N4BP2: variants seen among roughly 807,000 people sequenced by gnomAD.
N4BP2 encodes NEDD4-binding protein 2.
N4BP2 carries 91 observed loss-of-function variants against 152.8 expected under a neutral mutation model. The observed-to-expected ratio is 0.60, with a 90% CI of 0.50 to 0.71. N4BP2 has a LOEUF of 0.71. Among genes scored for constraint, N4BP2 ranks in the 30% least tolerant of loss-of-function variants. N4BP2 has a pLI of 0.00. For missense variants in N4BP2, 1,923 were observed against 2,059.1 expected, an observed-to-expected ratio of 0.93 and a Z score of 1.28; for synonymous variants, 646 against 705.3, an observed-to-expected ratio of 0.92 and a Z score of 1.33.
At chr4:40,101,941 A>G (rs1329726821) in intron 3 of N4BP2, 134 bp from the exon 4 acceptor site, 2 of 495,722 alleles carry the variant, frequency 4.0e-6, no homozygotes, top group Non-Finnish European at 6.5e-6. Context: ...TTTTAAAAAT[A>G]ACATGAATAT....
chr4:40,127,573 T>A (rs1718525128), intron 12 of N4BP2, among the ~76,000 whole-genome samples: 1 of 152,050 alleles, frequency 6.6e-6, no homozygotes, highest in Non-Finnish European at 1.5e-5. Context: ...TATAAAAACA[T>A]GAAGGAAATC....
At chr4:40,186,929 T>C in the N4BP2 span, among the ~76,000 whole-genome samples, 1 of 152,226 alleles carries the variant, frequency 6.6e-6, no homozygotes, top group Non-Finnish European at 1.5e-5. Context: ...TTTTTATCTA[T>C]GGGCCCAATT....
At chr4:40,057,090 G>C (rs1203705370) in intron 1 of N4BP2, 60 bp downstream of exon 1, 1 of 152,796 alleles carries the variant, frequency 6.5e-6, no homozygotes, top group East Asian at 1.9e-4. Context: ...TGGAGGTTAG[G>C]GGTCCCGGGG....
chr4:40,057,562 G>C (rs1263391259), intron 1 of N4BP2, among the ~76,000 whole-genome samples: 1 of 152,134 alleles, frequency 6.6e-6, no homozygotes, highest in Non-Finnish European at 1.5e-5. Context: ...AGACTGCGGG[G>C]AGACTTTCCC....
At chr4:40,082,069 G>A (rs1430559104) in intron 2 of N4BP2, among the ~76,000 whole-genome samples, 9 of 152,070 alleles carry the variant, frequency 5.9e-5, no homozygotes, top group Non-Finnish European at 8.8e-5. Context: ...CCAAGGTTGC[G>A]CCATTGCACT....
chr4:40,113,399 A>G (rs369585589), intron 6 of N4BP2, 33 bp from the exon 7 acceptor site: 2 of 1,420,248 alleles, frequency 1.4e-6, no homozygotes, highest in East Asian at 2.3e-5. Context: ...GGAAATACCT[A>G]TTTTAAAATG....
Position 40,120,510 on chromosome 4 carries a change from G to A in N4BP2, c.2399G>A (p.Arg800Lys), listed in dbSNP as rs1239460165. The A allele has an allele frequency of 1.9e-6, 3 of 1,613,414 alleles. No individual in the cohort carries two copies. In the South Asian group the frequency reaches 3.3e-5, roughly 18 times the overall value. The change falls in exon 9 of 18, where the codon AGG becomes AAG. Residue 800 changes from arginine to lysine, a missense_variant. Transcript: ENST00000261435. ...CCAGTTGATAAGACTATTGGTCAGAGGACAAAAAGGAACAGAAAAACTGAA... is the reference window on the plus strand; with the variant it reads ...CCAGTTGATAAGACTATTGGTCAGAAGACAAAAAGGAACAGAAAAACTGAA... ...DWPVDKTIGQRTKRNRKTEKT... is the reference protein window; with the variant it reads ...DWPVDKTIGQKTKRNRKTEKT...
intron 15 of N4BP2, 83 bp downstream of exon 15, chr4:40,142,944 A>G (rs1720179445): frequency 1.8e-6 from 2 of 1,127,104 alleles, no homozygotes; most frequent in Non-Finnish European, 2.6e-6. Context: ...CCATATTGTG[A>G]CTAGATTAAG....
chr4:40,069,519 A>G (rs1019413383), intron 1 of N4BP2, among the ~76,000 whole-genome samples: 1 of 152,146 alleles, frequency 6.6e-6, no homozygotes, highest in African/African-American at 2.4e-5. Flanking sequence ...CAGATAACCT[A>G]TACATAACCT....
At chr4:40,099,842 C>T (rs1222329299) in intron 3 of N4BP2, among the ~76,000 whole-genome samples, 1 of 151,728 alleles carries the variant, frequency 6.6e-6, no homozygotes, top group Non-Finnish European at 1.5e-5. Flanking sequence ...TCTGGTTTTA[C>T]TGTCATGTAG....
At chr4:40,172,738 C>T in the N4BP2 span, among the ~76,000 whole-genome samples, 2 of 152,210 alleles carry the variant, frequency 1.3e-5, no homozygotes, top group African/African-American at 2.4e-5. Context: ...CCCTAGCAAA[C>T]TAATACAGTG....
intron 1 of N4BP2, among the ~76,000 whole-genome samples, chr4:40,068,612 TCATTTGA>T (rs1194493642): frequency 6.6e-6 from 1 of 152,164 alleles, no homozygotes; most frequent in Non-Finnish European, 1.5e-5. Context: ...TTGTTGAAGA[TCATTTGA>T]TCACATATGT....
intron 2 of N4BP2, among the ~76,000 whole-genome samples, chr4:40,076,462 G>T (rs1340927848): frequency 6.6e-6 from 1 of 152,096 alleles, no homozygotes; most frequent in Non-Finnish European, 1.5e-5. Flanking sequence ...GGTGACAGAG[G>T]GAGACTTTGT....
intron 16 of N4BP2, among the ~76,000 whole-genome samples, chr4:40,145,354 G>A (rs1720419610): frequency 6.6e-6 from 1 of 152,128 alleles, no homozygotes; most frequent in South Asian, 2.1e-4. Context: ...CTCCCGAGTA[G>A]CTGGGATTAC....
At chr4:40,171,914 G>T in the N4BP2 span, among the ~76,000 whole-genome samples, 1 of 152,110 alleles carries the variant, frequency 6.6e-6, no homozygotes, top group Non-Finnish European at 1.5e-5. Context: ...AGCCAGTCTA[G>T]TCTTTTTCTG....
chr4:40,156,345 G>T lies in N4BP2; in HGVS notation c.*2108G>T, dbSNP rs566305702. The T allele has an allele frequency of 1.3e-5, 2 of 152,108 alleles. No homozygotes were observed. The highest frequency in any genetic ancestry group is 2.9e-5 in the Non-Finnish European group (2 of 67,936). The allele number at this position is 152,108 out of a possible 1,614,324, so 9.4% of individuals were successfully genotyped here. Reference sequence around the variant, plus strand: ...GGTATTCCGTGGGCAGAAGTCAAATGAAAAAAGCTATATTGTTTACTTGTT... The same window carrying T: ...GGTATTCCGTGGGCAGAAGTCAAATTAAAAAAGCTATATTGTTTACTTGTT... On this transcript the variant is annotated 3_prime_UTR_variant, in exon 18 of 18. Transcript: ENST00000261435.
intron 4 of N4BP2, among the ~76,000 whole-genome samples, chr4:40,105,803 A>T (rs192716427): frequency 2.6e-5 from 4 of 152,140 alleles, no homozygotes; most frequent in Admixed American, 1.3e-4. Flanking sequence ...TTCCCACCTC[A>T]GCCTCCCAAA....
At chr4:40,096,998 T>G (rs1032368306) in intron 2 of N4BP2, among the ~76,000 whole-genome samples, 4 of 152,194 alleles carry the variant, frequency 2.6e-5, no homozygotes, top group African/African-American at 9.7e-5. Flanking sequence ...TGAAAAAATG[T>G]ATTGAAATAG....
At position 40,065,977 on chromosome 4, in the gene N4BP2, C is replaced by T. The variant is rs149916929; in HGVS notation, c.-211-7478C>T. Among the ~76,000 whole-genome samples the T allele has an allele frequency of 3.3e-3, 508 of 151,958 alleles. 8 individuals carry two copies. Among genetic ancestry groups the T allele is most frequent in the Admixed American group, 0.025 (386 of 15,232 alleles). Reference sequence around the variant, plus strand: ...GATGGAGTCTAGATCTGTCGACAGGCTGGAGTGCAGTGGCGTGATCTCGGC... The same window carrying T: ...GATGGAGTCTAGATCTGTCGACAGGTTGGAGTGCAGTGGCGTGATCTCGGC... On this transcript the variant is annotated intron_variant, in intron 1 of 17. Transcript: ENST00000261435.
Sources: allele counts gnomAD v4.1 joint callset (sites outside exome capture counted in the v4.1 genomes callset), GRCh38; gene constraint gnomAD v4.1.1; transcripts MANE v1.5; gene names NCBI Gene and HGNC (gene_info 2026-07-23, HGNC 2026-07-21).